DPP10: variants seen among roughly 807,000 people sequenced by gnomAD.
DPP10 encodes the protein dipeptidyl peptidase like 10, also known as inactive dipeptidyl peptidase 10.
Under a neutral mutation model 120.9 loss-of-function variants are expected in DPP10, and 33 were observed. The observed-to-expected ratio is 0.27, with a 90% CI of 0.21 to 0.37. DPP10 has a LOEUF of 0.37. Ranked by LOEUF, DPP10 falls within the 10% of genes least tolerant of loss-of-function variation. DPP10 has a pLI of 1.00. For missense variants in DPP10, 816 were observed against 942.8 expected, an observed-to-expected ratio of 0.87 and a Z score of 1.76; for synonymous variants, 337 against 326.1, an observed-to-expected ratio of 1.03 and a Z score of -0.36.
intron 5 of DPP10, among the ~76,000 whole-genome samples, chr2:115,540,823 G>A (rs2079129926): frequency 1.3e-5 from 2 of 151,956 alleles, no homozygotes; most frequent in Non-Finnish European, 2.9e-5. Flanking sequence ...GAATAGAAGA[G>A]CACTTTTTTG....
intron 1 of DPP10, among the ~76,000 whole-genome samples, chr2:115,270,066 TCACACACAC>T (rs1245463805): frequency 7.7e-6 from 1 of 130,642 alleles, no homozygotes; most frequent in Non-Finnish European, 1.6e-5. Context: ...TAGGTATACT[TCACACACAC>T]ACACACACAC....
At chr2:115,725,104 A>G (rs2092734195) in intron 7 of DPP10, among the ~76,000 whole-genome samples, 1 of 152,226 alleles carries the variant, frequency 6.6e-6, no homozygotes, top group Non-Finnish European at 1.5e-5. Flanking sequence ...AGAAAATAAT[A>G]GTATAAAATA....
At chr2:115,149,951 G>A (rs1054042687) in intron 1 of DPP10, among the ~76,000 whole-genome samples, 6 of 152,184 alleles carry the variant, frequency 3.9e-5, no homozygotes, top group Admixed American at 2.0e-4. Context: ...AGAAGCAGGT[G>A]CAAGTGGATG....
intron 3 of DPP10, among the ~76,000 whole-genome samples, chr2:115,362,425 A>G (rs988678552): frequency 2.6e-5 from 4 of 152,190 alleles, no homozygotes; most frequent in Admixed American, 2.0e-4. Flanking sequence ...TTGTTCAAGA[A>G]CACAGAGATA....
intron 1 of DPP10, among the ~76,000 whole-genome samples, chr2:115,265,512 TAC>T (rs997397279): frequency 2.0e-5 from 3 of 152,006 alleles, no homozygotes; most frequent in Non-Finnish European, 2.9e-5. Context: ...TACATACATA[TAC>T]ATGCATACAT....
chr2:115,227,667 T>C (rs965788492), intron 1 of DPP10, among the ~76,000 whole-genome samples: 8 of 152,132 alleles, frequency 5.3e-5, no homozygotes, highest in Non-Finnish European at 1.0e-4. Flanking sequence ...AATCAGACAA[T>C]ATGTAGCCTT....
At chr2:115,013,225 A>G (rs1702388701) in intron 1 of DPP10, among the ~76,000 whole-genome samples, 1 of 152,132 alleles carries the variant, frequency 6.6e-6, no homozygotes, top group Non-Finnish European at 1.5e-5. Context: ...GTTTTTCTGT[A>G]AAGGATTTTA....
chr2:115,341,611 C>T (rs1300746589), intron 2 of DPP10, among the ~76,000 whole-genome samples: 1 of 152,172 alleles, frequency 6.6e-6, no homozygotes, highest in African/African-American at 2.4e-5. Context: ...CTGCTCATTC[C>T]TTCCCTCGCA....
chr2:114,598,611 C>A (rs1010879808), intron 1 of DPP10, among the ~76,000 whole-genome samples: 2 of 151,724 alleles, frequency 1.3e-5, no homozygotes, highest in African/African-American at 4.8e-5. Flanking sequence ...TTGGCAGTGG[C>A]AAGTAGAGAG....
intron 1 of DPP10, among the ~76,000 whole-genome samples, chr2:114,553,366 C>A (rs1325166195): frequency 6.6e-6 from 1 of 152,202 alleles, no homozygotes; most frequent in Non-Finnish European, 1.5e-5. Context: ...TGAAACGCAG[C>A]TCCTTGGAGT....
At chr2:115,486,777 T>A (rs1231226093) in intron 3 of DPP10, among the ~76,000 whole-genome samples, 1 of 152,156 alleles carries the variant, frequency 6.6e-6, no homozygotes, top group Non-Finnish European at 1.5e-5. Flanking sequence ...TTTTTGCAAA[T>A]AATCCAAAGA....
At chr2:115,461,162 C>G (rs1231092423) in intron 3 of DPP10, among the ~76,000 whole-genome samples, 1 of 151,884 alleles carries the variant, frequency 6.6e-6, no homozygotes, top group Admixed American at 6.6e-5. Flanking sequence ...ATCTTGTCAT[C>G]TCAAACGCTC....
At chr2:115,084,977 C>T (rs1371451413) in intron 1 of DPP10, among the ~76,000 whole-genome samples, 1 of 152,156 alleles carries the variant, frequency 6.6e-6, no homozygotes. Context: ...GCTGTTTTTG[C>T]ACCACACTGA....
intron 3 of DPP10, among the ~76,000 whole-genome samples, chr2:115,350,137 C>T (rs1425986968): frequency 6.6e-6 from 1 of 151,880 alleles, no homozygotes; most frequent in Non-Finnish European, 1.5e-5. Flanking sequence ...AATCAATTTG[C>T]ATCTTTTTAA....
intron 19 of DPP10, among the ~76,000 whole-genome samples, chr2:115,793,918 C>G (rs998851887): frequency 6.6e-6 from 1 of 151,686 alleles, no homozygotes; most frequent in Non-Finnish European, 1.5e-5. Flanking sequence ...ATGATTATTT[C>G]TAAAACACTA....
chr2:114,699,457 C>A (rs374352610), intron 1 of DPP10, among the ~76,000 whole-genome samples: 1 of 152,232 alleles, frequency 6.6e-6, no homozygotes. Context: ...AATCTCTGCA[C>A]ACACTGCAAA....
chr2:114,460,168 G>C (rs1456984190), intron 1 of DPP10, among the ~76,000 whole-genome samples: 1 of 139,520 alleles, frequency 7.2e-6, no homozygotes. Context: ...CATTTGGGAT[G>C]ATATCTATCT....
rs146415174 is a variant in DPP10, at chr2:114,784,321, C to T, written c.60+341483C>T. Among the ~76,000 whole-genome samples, 369 of 152,238 alleles carry T rather than the reference C, an allele frequency of 2.4e-3. 2 individuals are homozygous for T. Among genetic ancestry groups the T allele is most frequent in the African/African-American group, 7.4e-3 (307 of 41,556 alleles). On this transcript the variant is annotated intron_variant, in intron 1 of 25. Coordinates refer to ENST00000410059, the MANE Select transcript of DPP10 (RefSeq NM_020868.6). The stretch of plus-strand genomic sequence containing the variant: ...TCACCCTATTTGTAAGAAACAACAG[C>T]ATCTGTCCTCAATGCCTTCCTTTAG...
At chr2:114,531,311 C>T (rs1227182878) in intron 1 of DPP10, among the ~76,000 whole-genome samples, 1 of 151,910 alleles carries the variant, frequency 6.6e-6, no homozygotes, top group Non-Finnish European at 1.5e-5. Flanking sequence ...TTCCGGTCTT[C>T]AAGAATTTCT....
Sources: gnomAD v4.1 joint callset for allele counts (sites outside exome capture counted in the v4.1 genomes callset) on GRCh38, gnomAD v4.1.1 for gene constraint, MANE v1.5 for transcripts, NCBI Gene and HGNC (gene_info 2026-07-23, HGNC 2026-07-21) for gene names.